Variants in WDR27 observed in about 807,000 individuals in gnomAD.
WDR27 encodes the protein WD repeat domain 27, also known as WD repeat-containing protein 27.
Under a neutral mutation model 114.4 loss-of-function variants are expected in WDR27, and 100 were observed. That is an observed-to-expected ratio of 0.87 (90% confidence interval 0.74 to 1.03). WDR27 has a LOEUF of 1.03. Ranked by LOEUF, WDR27 falls within the 50% of genes least tolerant of loss-of-function variation. The pLI, the probability that WDR27 is intolerant of heterozygous loss-of-function variation, is 0.00. For missense variants in WDR27, 1,129 were observed against 1,092.9 expected (o/e 1.03, Z -0.47); for synonymous variants, 449 against 423.1 (o/e 1.06, Z -0.75).
intron 25 of WDR27, among the ~76,000 whole-genome samples, chr6:169,563,443 A>G (rs1313642644): frequency 6.6e-6 from 1 of 152,170 alleles, no homozygotes; most frequent in Non-Finnish European, 1.5e-5. Context: ...CTTGGCTTCA[A>G]CTCCAAACAT....
chr6:169,462,454 CAGAG>C (rs1187256045), intron 25 of WDR27, among the ~76,000 whole-genome samples: 1 of 141,602 alleles, frequency 7.1e-6, no homozygotes, highest in African/African-American at 2.9e-5. Flanking sequence ...AGGAAGGAGA[CAGAG>C]AGAGGGAGGG....
chr6:169,672,696 G>A (rs1779061882), intron 2 of WDR27, among the ~76,000 whole-genome samples: 1 of 152,156 alleles, frequency 6.6e-6, no homozygotes, highest in Non-Finnish European at 1.5e-5. Context: ...CCACATGCCA[G>A]AAGAGGTAAC....
intron 23 of WDR27, among the ~76,000 whole-genome samples, chr6:169,590,897 T>C (rs1454806410): frequency 2.0e-5 from 3 of 152,164 alleles, no homozygotes; most frequent in Non-Finnish European, 4.4e-5. Flanking sequence ...AGACGGACAT[T>C]TAGGGTACTT....
chr6:169,670,476 G>T, intron 4 of WDR27, 93 bp downstream of exon 4: 1 of 1,462,640 alleles, frequency 6.8e-7, no homozygotes, highest in Non-Finnish European at 9.3e-7. Flanking sequence ...AGGAGTACAG[G>T]AAAAAAGAAA....
chr6:169,701,391 C>T (rs1374202649), intron 1 of WDR27, among the ~76,000 whole-genome samples, 160 bp downstream of exon 1: 1 of 152,172 alleles, frequency 6.6e-6, no homozygotes, highest in Non-Finnish European at 1.5e-5. Context: ...GCATAATTAA[C>T]GAGCCCTCAG....
intron 22 of WDR27, among the ~76,000 whole-genome samples, chr6:169,610,849 C>T (rs143524487): frequency 2.8e-4 from 42 of 152,194 alleles, no homozygotes; most frequent in African/African-American, 8.4e-4. Context: ...GCTGTGAGTA[C>T]ACAAAGGCAT....
intron 19 of WDR27, 133 bp downstream of exon 19, chr6:169,636,235 CTCA>C (rs1817633160): frequency 9.7e-7 from 1 of 1,034,728 alleles, no homozygotes; most frequent in Non-Finnish European, 1.4e-6. Flanking sequence ...ATAATTCCCT[CTCA>C]TCAAGAGTTT....
chr6:169,611,904 G>A (rs1269142204), intron 22 of WDR27, among the ~76,000 whole-genome samples: 1 of 152,154 alleles, frequency 6.6e-6, no homozygotes, highest in Admixed American at 6.5e-5. Context: ...GGAGGCTGAG[G>A]CGGGTGGATC....
chr6:169,460,186 C>T (rs1380783317), intron 25 of WDR27, among the ~76,000 whole-genome samples: 2 of 151,814 alleles, frequency 1.3e-5, no homozygotes, highest in Non-Finnish European at 2.9e-5. Flanking sequence ...GTTTGTAACC[C>T]CACATTTTAT....
chr6:169,428,655 C>G, the WDR27 span, among the ~76,000 whole-genome samples: 1 of 151,984 alleles, frequency 6.6e-6, no homozygotes, highest in Non-Finnish European at 1.5e-5. Context: ...CCACAGAGCT[C>G]TACAAGGGAG....
intron 2 of WDR27, among the ~76,000 whole-genome samples, chr6:169,675,630 A>C (rs147479516): frequency 2.0e-3 from 301 of 152,280 alleles, no homozygotes; most frequent in African/African-American, 6.1e-3. Flanking sequence ...AAGGCGGGAC[A>C]ACTCAAAGCG....
At chr6:169,649,167 A>G (rs1240861022) in intron 15 of WDR27, 31 bp downstream of exon 15, 1 of 1,543,534 alleles carries the variant, frequency 6.5e-7, no homozygotes, top group South Asian at 1.2e-5. Flanking sequence ...GTTATTTCAA[A>G]TGTACTTGGA....
intron 13 of WDR27, among the ~76,000 whole-genome samples, chr6:169,657,236 A>C (rs527655613): frequency 6.6e-6 from 1 of 152,342 alleles, no homozygotes; most frequent in African/African-American, 2.4e-5. Context: ...TCAGAACCAC[A>C]CAGTCAGTGA....
intron 25 of WDR27, among the ~76,000 whole-genome samples, chr6:169,554,600 G>A (rs1053116878): frequency 7.9e-5 from 12 of 152,128 alleles, no homozygotes; most frequent in East Asian, 1.9e-4. Flanking sequence ...CCAAACTTTC[G>A]GAGCTGCAAA....
At position 169,614,515 on chromosome 6, in the gene WDR27, C is replaced by T. The variant is rs560219821; in HGVS notation, c.2224-859G>A. 2.0e-3 allele frequency among the ~76,000 whole-genome samples: 300 copies of T among 152,026 alleles called. 2 individuals are homozygous for T. Among genetic ancestry groups the T allele is most frequent in the African/African-American group, 7.1e-3 (294 of 41,458 alleles). ...CCAACCTGGCCAACATGGTGAAATC[C>T]CGTCTCTATAAAAATACAAAAAATT... is the stretch of plus-strand genomic sequence containing the variant. On this transcript the variant is annotated intron_variant, in intron 21 of 25. Transcript: ENST00000448612.
At chr6:169,429,503 G>A in the WDR27 span, among the ~76,000 whole-genome samples, 9 of 140,094 alleles carry the variant, frequency 6.4e-5, no homozygotes, top group Admixed American at 6.6e-4. Flanking sequence ...ATTTCTGATT[G>A]TCTGGAATCT....
the WDR27 span, among the ~76,000 whole-genome samples, chr6:169,427,474 C>T: frequency 6.6e-6 from 1 of 152,182 alleles, no homozygotes; most frequent in South Asian, 2.1e-4. Flanking sequence ...GAATGTTCAT[C>T]TACCTTTAAG....
At chr6:169,591,016 T>C (rs1650943967) in intron 23 of WDR27, among the ~76,000 whole-genome samples, 1 of 152,204 alleles carries the variant, frequency 6.6e-6, no homozygotes, top group African/African-American at 2.4e-5. Context: ...GTGAGATTGC[T>C]GGATCATGTG....
At chr6:169,610,600 C>T (rs527929500) in intron 22 of WDR27, among the ~76,000 whole-genome samples, 58 of 152,148 alleles carry the variant, frequency 3.8e-4, no homozygotes, top group African/African-American at 1.3e-3. Context: ...ATGGGAATTA[C>T]GGGAGTACAA....
Sources: gnomAD v4.1 joint callset for allele counts (sites outside exome capture counted in the v4.1 genomes callset) on GRCh38, gnomAD v4.1.1 for gene constraint, MANE v1.5 for transcripts, NCBI Gene and HGNC (gene_info 2026-07-23, HGNC 2026-07-21) for gene names.